PELI2: variants seen among roughly 807,000 people sequenced by gnomAD.
PELI2 encodes E3 ubiquitin-protein ligase pellino homolog 2.
Under a neutral mutation model 42.3 loss-of-function variants are expected in PELI2, and 23 were observed. The ratio of observed to expected loss-of-function variants is 0.54; its 90% CI spans 0.39 to 0.77. The LOEUF (loss-of-function observed/expected upper bound fraction) is 0.77, where lower values mean the gene tolerates loss of function less well. Ranked by LOEUF, PELI2 falls within the 30% of genes least tolerant of loss-of-function variation. The pLI is 0.00. For missense variants in PELI2, 463 were observed against 553.2 expected (o/e 0.84, Z 1.64); for synonymous variants, 245 against 212.2 (o/e 1.15, Z -1.34).
intron 2 of PELI2, among the ~76,000 whole-genome samples, chr14:56,275,657 G>A (rs1889265618): frequency 6.6e-6 from 1 of 152,142 alleles, no homozygotes; most frequent in African/African-American, 2.4e-5. Flanking sequence ...GGCAATGATA[G>A]CAATGGGGAG....
chr14:56,177,387 G>A (rs538344200), intron 1 of PELI2, among the ~76,000 whole-genome samples: 2 of 152,336 alleles, frequency 1.3e-5, no homozygotes, highest in African/African-American at 4.8e-5. Context: ...GTGTTCTGGG[G>A]GAGCCTTGGA....
Position 56,126,507 on chromosome 14 carries a change from C to T in PELI2, c.77+7770C>T, listed in dbSNP as rs1008014182. Among the ~76,000 whole-genome samples, 21 of 152,166 alleles carry T rather than the reference C, an allele frequency of 1.4e-4. 1 individual carries two copies. Among genetic ancestry groups the T allele is most frequent in the Non-Finnish European group, 4.4e-5 (3 of 68,026 alleles). On this transcript the variant is annotated intron_variant, in intron 1 of 5. Transcript: ENST00000267460. The stretch of plus-strand genomic sequence containing the variant: ...TTGTTTCAAGCTTTGTACTTCCATT[C>T]TTATTAGTACTGGTTTAACAGAATT...
chr14:56,169,429 G>A (rs917491789), intron 1 of PELI2, among the ~76,000 whole-genome samples: 7 of 152,210 alleles, frequency 4.6e-5, no homozygotes, highest in African/African-American at 9.6e-5. Flanking sequence ...GTGGTTGGGC[G>A]TCAGCTGAGT....
intron 2 of PELI2, among the ~76,000 whole-genome samples, chr14:56,179,276 T>C (rs1026238340): frequency 6.6e-6 from 1 of 152,250 alleles, no homozygotes; most frequent in African/African-American, 2.4e-5. Context: ...CTGTTGATCA[T>C]GAGTTTGGAC....
chr14:56,219,485 C>T lies in PELI2; in HGVS notation c.207+41021C>T, dbSNP rs1039554912. ...GCATGATTTGTTTTACCCCTCAGCA[C>T]TCAGCTATCACAGTCATAGCTCTCT... On this transcript the variant is annotated intron_variant, in intron 2 of 5. Transcript: ENST00000267460. This position sits in a 1 kb window ranked among gnomAD's most constrained non-coding sequence, Gnocchi z 4.1. 1.3e-5 allele frequency among the ~76,000 whole-genome samples: 2 copies of T among 152,206 alleles called. No homozygotes were observed. Among genetic ancestry groups the T allele is most frequent in the Non-Finnish European group, 2.9e-5 (2 of 68,046 alleles).
At chr14:56,203,171 T>G (rs1886397259) in intron 2 of PELI2, among the ~76,000 whole-genome samples, 1 of 152,116 alleles carries the variant, frequency 6.6e-6, no homozygotes, top group African/African-American at 2.4e-5. Flanking sequence ...ATCCTGTCTC[T>G]ACTAAAAATA....
At chr14:56,277,244 A>G (rs1490284195) in intron 2 of PELI2, among the ~76,000 whole-genome samples, 1 of 152,122 alleles carries the variant, frequency 6.6e-6, no homozygotes, top group Non-Finnish European at 1.5e-5. Flanking sequence ...ATCTGTATTT[A>G]TAGCCGCTCC....
chr14:56,141,354 G>A (rs147464134), intron 1 of PELI2, among the ~76,000 whole-genome samples: 122 of 152,336 alleles, frequency 8.0e-4, no homozygotes, highest in Non-Finnish European at 1.5e-3. Context: ...CAGGACGGAC[G>A]TTAGGACTGG....
In PELI2 at chr14:56,178,319, T is replaced by C. The variant is rs775360938; in HGVS notation, c.78-16T>C. ...AAAATCTGCAGATAGATGAACTCTT[T>C]CCTCTCTGTTTCTAGGTACAATGGT... On this transcript the variant is annotated splice_polypyrimidine_tract_variant and intron_variant, in intron 1 of 5. Coordinates refer to ENST00000267460, the MANE Select transcript of PELI2 (RefSeq NM_021255.3). 1.9e-6 allele frequency: 3 copies of C among 1,613,364 alleles called. No individual in the cohort carries two copies. Among genetic ancestry groups the C allele is most frequent in the African/African-American group, 1.3e-5 (1 of 74,906 alleles).
intron 1 of PELI2, among the ~76,000 whole-genome samples, chr14:56,151,972 C>T (rs1884377030): frequency 6.6e-6 from 1 of 152,188 alleles, no homozygotes; most frequent in African/African-American, 2.4e-5. Context: ...CAGGATCATT[C>T]AGGGACCCAG....
At chr14:56,148,663 TCTC>T (rs1382641891) in intron 1 of PELI2, among the ~76,000 whole-genome samples, 1 of 152,212 alleles carries the variant, frequency 6.6e-6, no homozygotes, top group Admixed American at 6.5e-5. Context: ...TTTTCCCTCC[TCTC>T]CTCCTTTCTT....
At chr14:56,203,074 T>G (rs772151971) in intron 2 of PELI2, among the ~76,000 whole-genome samples, 4 of 152,216 alleles carry the variant, frequency 2.6e-5, no homozygotes, top group Non-Finnish European at 4.4e-5. Context: ...GCACAGAAAT[T>G]AATTTATTGC....
At chr14:56,176,527 G>A (rs1028522569) in intron 1 of PELI2, among the ~76,000 whole-genome samples, 2 of 152,168 alleles carry the variant, frequency 1.3e-5, no homozygotes, top group Non-Finnish European at 2.9e-5. Context: ...ACTGCCACCT[G>A]CGAACCTTCA....
intron 2 of PELI2, among the ~76,000 whole-genome samples, chr14:56,204,406 A>C (rs1205244321): frequency 6.6e-6 from 1 of 152,156 alleles, no homozygotes; most frequent in East Asian, 1.9e-4. Context: ...GAGCCGGAAA[A>C]GGCTGGGGCC....
chr14:56,131,142 T>A (rs1357541939), intron 1 of PELI2, among the ~76,000 whole-genome samples: 25 of 152,198 alleles, frequency 1.6e-4, no homozygotes, highest in Non-Finnish European at 3.7e-4. Flanking sequence ...TATAACTTGT[T>A]CCAGCAGTGG....
Position 56,273,315 on chromosome 14 carries a change from CAA to C in PELI2, c.208-6359_208-6358del, listed in dbSNP as rs1300730352. 1.3e-5 allele frequency among the ~76,000 whole-genome samples: 2 copies of C among 152,186 alleles called. No individual in the cohort carries two copies. The highest frequency in any genetic ancestry group is 4.1e-4 in the South Asian group (2 of 4,830). On this transcript the variant is annotated intron_variant, in intron 2 of 5. Coordinates refer to ENST00000267460, the MANE Select transcript of PELI2 (RefSeq NM_021255.3). This position sits in a 1 kb window ranked among gnomAD's most constrained non-coding sequence, Gnocchi z 4.3. ...CCACAGCTGGGAACCCCCAGAGCGG[CAA>C]ATGGAAGCTGCAAGCCTTTCCTGAC... is the stretch of plus-strand genomic sequence containing the variant.
intron 2 of PELI2, among the ~76,000 whole-genome samples, chr14:56,275,105 A>G: frequency 6.6e-6 from 1 of 152,218 alleles, no homozygotes; most frequent in East Asian, 1.9e-4. Flanking sequence ...TTTGACATTC[A>G]TTGAATGCCT....
chr14:56,287,680 G>A (rs1055365137), intron 3 of PELI2, among the ~76,000 whole-genome samples: 2 of 152,288 alleles, frequency 1.3e-5, no homozygotes, highest in African/African-American at 4.8e-5. Flanking sequence ...GAAAATAGAT[G>A]TCTGTGGTCT....
intron 2 of PELI2, among the ~76,000 whole-genome samples, chr14:56,270,340 G>A (rs1889058358): frequency 6.6e-6 from 1 of 152,200 alleles, no homozygotes; most frequent in Non-Finnish European, 1.5e-5. Flanking sequence ...TTTAAAGAGT[G>A]TGTTTCATGC....
Sources: allele counts gnomAD v4.1 joint callset (sites outside exome capture counted in the v4.1 genomes callset), GRCh38; gene constraint gnomAD v4.1.1; non-coding constraint Gnocchi (gnomAD v3.1); transcripts MANE v1.5; gene names NCBI Gene and HGNC (gene_info 2026-07-23, HGNC 2026-07-21).